The following IKBKE variants were observed in gnomAD, a reference collection of about 807,000 sequenced individuals.
The protein encoded by IKBKE is inhibitor of nuclear factor kappa-B kinase subunit epsilon.
In IKBKE, 45 loss-of-function variants were observed where a neutral mutation model predicts 92.1. That is an observed-to-expected ratio of 0.49 (90% CI 0.38 to 0.63). IKBKE has a LOEUF of 0.63. IKBKE is among the 20% of genes least tolerant of loss of function. The pLI, the probability that IKBKE is intolerant of heterozygous loss-of-function variation, is 0.00. For missense variants in IKBKE, 700 were observed against 932.8 expected, an observed-to-expected ratio of 0.75 and a Z score of 3.25; for synonymous variants, 374 against 380.3, an observed-to-expected ratio of 0.98 and a Z score of 0.19.
In IKBKE at chr1:206,474,988, T is replaced by A. The variant is rs1553384909; in HGVS notation, c.352T>A (p.Cys118Ser). 6.2e-7 allele frequency: 1 copy of A among 1,613,822 alleles called. No homozygotes were observed. The highest frequency in any genetic ancestry group is 8.5e-7 in the Non-Finnish European group (1 of 1,179,948). Reference sequence around the variant, plus strand: ...GGATGAGTTCCTGGTGGTGCTGCGCTGTGTGGGTGAGCCCCTCCCTGTCCC... The same window carrying A: ...GGATGAGTTCCTGGTGGTGCTGCGCAGTGTGGGTGAGCCCCTCCCTGTCCC... ...PEDEFLVVLR[C>S]VVAGMNHLRE... Residue 118 changes from cysteine to serine, a missense_variant, in exon 5 of 22, where the codon TGT becomes AGT. By Grantham distance (112) the Cys-to-Ser change is moderately radical. Transcript: ENST00000581977.
At chr1:206,481,339 C>T (rs1455274751) in intron 13 of IKBKE, among the ~76,000 whole-genome samples, 1 of 152,210 alleles carries the variant, frequency 6.6e-6, no homozygotes, top group African/African-American at 2.4e-5. Context: ...ACCCCCAGCC[C>T]TTGTCCTCAG....
Position 206,474,973 on chromosome 1 carries a change from C to A in IKBKE, c.337C>A (p.Leu113Met). Residue 113 changes from leucine (L) to methionine (M), a missense_variant, in exon 5 of 22, where the codon CTG becomes ATG. Coordinates refer to ENST00000581977, the MANE Select transcript of IKBKE (RefSeq NM_014002.4). ...NAFGLPEDEFLVVLRCVVAGM... is the reference protein window; with the variant it reads ...NAFGLPEDEFMVVLRCVVAGM... Reference sequence around the variant, plus strand: ...CTTTGGGCTGCCTGAGGATGAGTTCCTGGTGGTGCTGCGCTGTGTGGGTGA... The same window carrying A: ...CTTTGGGCTGCCTGAGGATGAGTTCATGGTGGTGCTGCGCTGTGTGGGTGA... 6.2e-7 allele frequency: 1 copy of A among 1,614,046 alleles called. No individual in the cohort carries two copies. Among genetic ancestry groups the A allele is most frequent in the Non-Finnish European group, 8.5e-7 (1 of 1,180,020 alleles).
chr1:206,479,428 A>C (rs374259448), intron 10 of IKBKE, among the ~76,000 whole-genome samples: 1 of 152,114 alleles, frequency 6.6e-6, no homozygotes, highest in East Asian at 1.9e-4. Flanking sequence ...ATTTGTGGGG[A>C]AGCCTCAGGC....
Position 206,492,859 on chromosome 1 carries a change from G to C in IKBKE, c.1836-164G>C, listed in dbSNP as rs534889943. 1.7e-3 allele frequency: 1,199 copies of C among 712,936 alleles called. 2 individuals are homozygous for C. The highest frequency in any genetic ancestry group is 2.6e-3 in the Non-Finnish European group (1,010 of 385,552). 44.2% of individuals were successfully genotyped at this position (712,936 alleles called of 1,614,324 possible). A position where few individuals can be genotyped will look rare whatever the true frequency, so the allele number is the denominator to read the frequency against. On this transcript the variant is annotated intron_variant, in intron 18 of 21. Coordinates refer to ENST00000581977, the MANE Select transcript of IKBKE (RefSeq NM_014002.4). The stretch of plus-strand genomic sequence containing the variant: ...TGTGTGCTTCTGCATTATTGCAGTG[G>C]GGCGGGCAAGCGTGGAGGGCACAGC...
At position 206,478,270 on chromosome 1, in the gene IKBKE, G is replaced by A. The variant is rs782254432; in HGVS notation, c.923G>A (p.Arg308Gln). The A allele has an allele frequency of 6.2e-6, 10 of 1,614,050 alleles. No homozygotes were observed. The highest frequency in any genetic ancestry group is 2.2e-5 in the East Asian group (1 of 44,900). ...FFAETSDILQ[R>Q]VVVHVFSLSQ... ...GCGGAGACCAGTGACATCCTGCAGC[G>A]AGTTGTCGTCCATGTCTTCTCCCTG... is the stretch of plus-strand genomic sequence containing the variant. The change falls in exon 9 of 22, where the codon CGA becomes CAA. Residue 308 changes from arginine (R) to glutamine (Q), a missense_variant. By Grantham distance (43) the Arg-to-Gln change is conservative. Transcript: ENST00000581977. The surrounding 1 kb of genome is among the most constrained non-coding windows in gnomAD (Gnocchi z 4.8).
chr1:206,484,131 T>C (rs984985535), intron 13 of IKBKE, among the ~76,000 whole-genome samples: 60 of 150,758 alleles, frequency 4.0e-4, no homozygotes, highest in African/African-American at 1.4e-3. Context: ...TTGTATTGTA[T>C]TGTATTGTAT....
chr1:206,489,988 G>A (rs1429672879), intron 16 of IKBKE, among the ~76,000 whole-genome samples: 3 of 152,142 alleles, frequency 2.0e-5, no homozygotes, highest in African/African-American at 4.8e-5. Context: ...TGAGCCTCAC[G>A]GGACTCCCAA....
chr1:206,495,769 C>G (rs1666202559), intron 21 of IKBKE, among the ~76,000 whole-genome samples: 2 of 152,160 alleles, frequency 1.3e-5, no homozygotes, highest in Admixed American at 6.5e-5. Context: ...GAGCTGTAGC[C>G]AAAGAGCCAA....
chr1:206,479,731 A>G (rs1553386452), intron 10 of IKBKE, 139 bp from the exon 11 acceptor site: 2 of 901,926 alleles, frequency 2.2e-6, no homozygotes, highest in Non-Finnish European at 3.5e-6. Flanking sequence ...AAGGCTGGCA[A>G]GGTGGGAGGC....
chr1:206,474,670 T>A, intron 4 of IKBKE, 195 bp from the exon 5 acceptor site: 1 of 798,656 alleles, frequency 1.3e-6, no homozygotes. Flanking sequence ...AATCAGTACC[T>A]AAGCAGAGGG....
rs1553386802 is a variant in IKBKE, at chr1:206,480,513, C to A, written c.1407C>A (p.Ser469Arg). The change falls in exon 13 of 22, where the codon AGC (serine) becomes AGA (arginine). Residue 469 changes from serine (S) to arginine (R), a missense_variant. Ser to Arg is a moderately radical substitution (Grantham distance 110, BLOSUM62 -1). Coordinates refer to ENST00000581977, the MANE Select transcript of IKBKE (RefSeq NM_014002.4). The part of the protein sequence containing the change: ...EVARTSLLYL[S>R]SSLGTERFSS... ...CAAGGACATCCCTCCTCTACCTCAGCAGCAGCCTGGGAACTGAGAGGTGGG... is the reference window on the plus strand; with the variant it reads ...CAAGGACATCCCTCCTCTACCTCAGAAGCAGCCTGGGAACTGAGAGGTGGG... 3 of 1,613,594 alleles carry A rather than the reference C, an allele frequency of 1.9e-6. No homozygotes were observed. Among genetic ancestry groups the A allele is most frequent in the Non-Finnish European group, 2.5e-6 (3 of 1,179,722 alleles).
chr1:206,491,859 G>T, intron 18 of IKBKE, 110 bp downstream of exon 18: 4 of 772,104 alleles, frequency 5.2e-6, no homozygotes, highest in South Asian at 4.3e-5. Flanking sequence ...AGTGAGTGAA[G>T]GGGTGTGAGC....
chr1:206,491,365 C>T, intron 17 of IKBKE: 1 of 400,502 alleles, frequency 2.5e-6, no homozygotes, highest in Non-Finnish European at 4.7e-6. Context: ...CTTTCCCTTC[C>T]CTTTCCTGAG....
rs199827103 is a variant in IKBKE at position 206,476,642 on chromosome 1, C to A, written c.541-36C>A. 90 of 1,612,974 alleles carry A rather than the reference C, an allele frequency of 5.6e-5. No individual in the cohort carries two copies. The highest frequency in any genetic ancestry group is 7.4e-5 in the Non-Finnish European group (87 of 1,179,452). ...CAGGTCTCAGGCCCTTGCCAGCCCT[C>A]CGGCTCCATGGCCTCATTCTGGTTC... On this transcript the variant is annotated intron_variant, in intron 6 of 21. Transcript: ENST00000581977. This position sits in a 1 kb window ranked among gnomAD's most constrained non-coding sequence, Gnocchi z 5.1.
In IKBKE at chr1:206,474,959, C is replaced by G. The variant is rs782092694; in HGVS notation, c.323C>G (p.Pro108Arg). 5 of 1,614,078 alleles carry G rather than the reference C, an allele frequency of 3.1e-6. No homozygotes were observed. Among genetic ancestry groups the G allele is most frequent in the Non-Finnish European group, 4.2e-6 (5 of 1,180,028 alleles). Residue 108 changes from proline to arginine, a missense_variant, in exon 5 of 22, where the codon CCT (proline) becomes CGT (arginine). Physicochemically the swap from Pro to Arg is moderately radical, Grantham distance 103 (BLOSUM62 -2). Transcript: ENST00000581977. ...AGCCCTGAGAATGCCTTTGGGCTGC[C>G]TGAGGATGAGTTCCTGGTGGTGCTG... ...LESPENAFGLPEDEFLVVLRC... is the reference protein window; with the variant it reads ...LESPENAFGLREDEFLVVLRC...
chr1:206,489,828 A>G (rs1389698679), intron 16 of IKBKE, among the ~76,000 whole-genome samples: 2 of 152,332 alleles, frequency 1.3e-5, no homozygotes, highest in East Asian at 3.9e-4. Flanking sequence ...GCTTTTAACT[A>G]TCCCATTTTA....
chr1:206,476,461 C>T lies in IKBKE; in HGVS notation c.540+99C>T. 2 of 1,273,304 alleles carry T rather than the reference C, an allele frequency of 1.6e-6. No homozygotes were observed. Among genetic ancestry groups the T allele is most frequent in the South Asian group, 1.4e-5 (1 of 72,802 alleles). 78.9% of individuals were successfully genotyped at this position (1,273,304 alleles called of 1,614,324 possible). A position where few individuals can be genotyped will look rare whatever the true frequency, so the allele number is the denominator to read the frequency against. On this transcript the variant is annotated intron_variant, in intron 6 of 21. Coordinates refer to ENST00000581977, the MANE Select transcript of IKBKE (RefSeq NM_014002.4). This position sits in a 1 kb window ranked among gnomAD's most constrained non-coding sequence, Gnocchi z 5.1. ...ATGAGGGGGTGTGGCCCACCTCCTGCTTCCACAGGAGTTATGTCTCTCCCC... is the reference window on the plus strand; with the variant it reads ...ATGAGGGGGTGTGGCCCACCTCCTGTTTCCACAGGAGTTATGTCTCTCCCC...
In IKBKE at chr1:206,490,280, T is replaced by G. The variant is rs947001414; in HGVS notation, c.1694-539T>G. Reference sequence around the variant, plus strand: ...CCAGGAGGGGGCAGCATCTCCCTAGTGCATGAGCCTTAGGGCCCTTCAGGA... The same window carrying G: ...CCAGGAGGGGGCAGCATCTCCCTAGGGCATGAGCCTTAGGGCCCTTCAGGA... On this transcript the variant is annotated intron_variant, in intron 16 of 21. Coordinates refer to ENST00000581977, the MANE Select transcript of IKBKE (RefSeq NM_014002.4). This position sits in a 1 kb window ranked among gnomAD's most constrained non-coding sequence, Gnocchi z 5.2. 6.6e-6 allele frequency among the ~76,000 whole-genome samples: 1 copy of G among 152,148 alleles called. No homozygotes were observed. Among genetic ancestry groups the G allele is most frequent in the Non-Finnish European group, 1.5e-5 (1 of 68,010 alleles).
At position 206,480,455 on chromosome 1, in the gene IKBKE, T is replaced by A; in HGVS notation, c.1349T>A (p.Leu450His). Residue 450 changes from leucine (L) to histidine (H), a missense_variant, in exon 13 of 22, where the codon CTC becomes CAC. By Grantham distance (99) the Leu-to-His change is moderately conservative. Transcript: ENST00000581977. The stretch of plus-strand genomic sequence containing the variant: ...AGTCTCCCCTTGGACAGGGAGGTGC[T>A]CCAGGCCACATGCAGACGGACTCTG... ...FRGLHWVMEV[L>H]QATCRRTLEV... The A allele has an allele frequency of 6.2e-7, 1 of 1,613,534 alleles. No individual in the cohort carries two copies. Among genetic ancestry groups the A allele is most frequent in the Non-Finnish European group, 8.5e-7 (1 of 1,179,678 alleles).
Sources: allele counts gnomAD v4.1 joint callset (sites outside exome capture counted in the v4.1 genomes callset), GRCh38; gene constraint gnomAD v4.1.1; non-coding constraint Gnocchi (gnomAD v3.1); transcripts MANE v1.5; gene names NCBI Gene and HGNC (gene_info 2026-07-23, HGNC 2026-07-21).